Variants in PPP6R3 observed in about 807,000 individuals in gnomAD.
The protein encoded by PPP6R3 is serine/threonine-protein phosphatase 6 regulatory subunit 3.
PPP6R3 carries 38 observed loss-of-function variants against 110.7 expected under a neutral mutation model. That is an observed-to-expected ratio of 0.34 (90% CI 0.26 to 0.45). PPP6R3 has a LOEUF of 0.45. PPP6R3 is among the 20% of genes least tolerant of loss of function. PPP6R3 has a pLI of 1.00. For synonymous variants in PPP6R3, 369 were observed against 373.5 expected (o/e 0.99, Z 0.14); for missense variants, 870 against 1,062.4 (o/e 0.82, Z 2.52).
chr11:68,544,045 T>G (rs182600904), intron 3 of PPP6R3, among the ~76,000 whole-genome samples: 95 of 152,292 alleles, frequency 6.2e-4, no homozygotes, highest in African/African-American at 2.1e-3. Context: ...GGGCTGACTT[T>G]GTGTCTGTGC....
intron 1 of PPP6R3, among the ~76,000 whole-genome samples, chr11:68,496,528 A>C (rs1181830845): frequency 6.6e-6 from 1 of 152,050 alleles, no homozygotes. Flanking sequence ...GCTGGAGTGC[A>C]GTAGTGCAAT....
At chr11:68,507,171 C>T (rs1253192673) in intron 1 of PPP6R3, among the ~76,000 whole-genome samples, 1 of 151,282 alleles carries the variant, frequency 6.6e-6, no homozygotes, top group African/African-American at 2.4e-5. Flanking sequence ...ACTTTACATA[C>T]ATGATTTTGC....
chr11:68,589,223 C>T (rs997143772), intron 16 of PPP6R3, among the ~76,000 whole-genome samples: 3 of 151,922 alleles, frequency 2.0e-5, no homozygotes, highest in Admixed American at 6.6e-5. Context: ...ATAACAATAA[C>T]AATAATAATA....
intron 1 of PPP6R3, among the ~76,000 whole-genome samples, chr11:68,497,484 C>G (rs189713287): frequency 6.6e-6 from 1 of 152,148 alleles, no homozygotes; most frequent in South Asian, 2.1e-4. Flanking sequence ...TCCTGAGTAG[C>G]TGGGACTACA....
intron 11 of PPP6R3, among the ~76,000 whole-genome samples, 184 bp downstream of exon 11, chr11:68,570,081 ATAAC>A (rs780207299): frequency 5.9e-5 from 9 of 152,246 alleles, no homozygotes; most frequent in African/African-American, 9.6e-5. Context: ...TACTGGACAA[ATAAC>A]TATTAAATGA....
At chr11:68,566,277 ACTT>A (rs1029530216) in intron 9 of PPP6R3, among the ~76,000 whole-genome samples, 210 of 150,458 alleles carry the variant, frequency 1.4e-3, no homozygotes, top group African/African-American at 3.9e-3. Flanking sequence ...TACTACTACC[ACTT>A]CTTCTTCTTC....
chr11:68,551,325 A>T, intron 6 of PPP6R3, 139 bp downstream of exon 6: 5 of 652,794 alleles, frequency 7.7e-6, no homozygotes, highest in Non-Finnish European at 1.3e-5. Context: ...GTGTTCTTAA[A>T]GTTGATACTT....
rs115389984 is a variant in PPP6R3 at position 68,461,653 on chromosome 11, C to T, written c.-158+826C>T. Reference sequence around the variant, plus strand: ...TGAACGGGATGGGTCTTTGGATGTACCTCCGTGCCCTGACGTTTCAACCGC... The same window carrying T: ...TGAACGGGATGGGTCTTTGGATGTATCTCCGTGCCCTGACGTTTCAACCGC... On this transcript the variant is annotated intron_variant, in intron 1 of 23. Transcript: ENST00000393800. 3.4e-3 allele frequency among the ~76,000 whole-genome samples: 520 copies of T among 152,104 alleles called. 6 individuals carry two copies. Among genetic ancestry groups the T allele is most frequent in the African/African-American group, 0.012 (497 of 41,490 alleles).
rs745458300 is a variant in PPP6R3 at position 68,558,662 on chromosome 11, T to G, written c.828T>G (p.Leu276=). The stretch of plus-strand genomic sequence containing the variant: ...CAATCCAGATATTGCTGACTTTACT[T>G]GAGACACGACGACCAACGTAAGCTT... ...VSAIQILLTL[L]ETRRPTFEGH... The change falls in exon 8 of 24, where the codon CTT becomes CTG. Residue 276 remains leucine (L), a synonymous_variant. Coordinates refer to ENST00000393800, the MANE Select transcript of PPP6R3 (RefSeq NM_001164161.2). 3.1e-6 allele frequency: 5 copies of G among 1,610,610 alleles called. No individual in the cohort carries two copies. In the South Asian group the frequency reaches 5.5e-5, roughly 18 times the overall value.
At chr11:68,555,762 CA>C (rs1222078001) in intron 7 of PPP6R3, among the ~76,000 whole-genome samples, 14 of 152,202 alleles carry the variant, frequency 9.2e-5, no homozygotes, top group African/African-American at 3.4e-4. Flanking sequence ...GAATTTACAT[CA>C]TTAAATTAGT....
At chr11:68,551,263 T>TA (rs2099373198) in intron 6 of PPP6R3, 77 bp downstream of exon 6, 1 of 1,080,752 alleles carries the variant, frequency 9.3e-7, no homozygotes, top group Admixed American at 1.9e-5. Flanking sequence ...AGAGCATACT[T>TA]ATATTAAATG....
At chr11:68,471,851 C>T (rs2098794167) in intron 1 of PPP6R3, among the ~76,000 whole-genome samples, 1 of 151,704 alleles carries the variant, frequency 6.6e-6, no homozygotes. Flanking sequence ...ATGGGCTCCT[C>T]CCTGGTAGGA....
At chr11:68,467,480 C>A (rs760135975) in intron 1 of PPP6R3, among the ~76,000 whole-genome samples, 1 of 152,244 alleles carries the variant, frequency 6.6e-6, no homozygotes. Flanking sequence ...CTGTGTGGGA[C>A]TGTTAGTTGG....
intron 1 of PPP6R3, among the ~76,000 whole-genome samples, chr11:68,494,233 C>T (rs2099001744): frequency 6.6e-6 from 1 of 150,624 alleles, no homozygotes; most frequent in Admixed American, 6.6e-5. Flanking sequence ...ATGCCTGTAT[C>T]AAAACATCAT....
chr11:68,609,578 A>G (rs1417473888), intron 22 of PPP6R3: 5 of 1,550,772 alleles, frequency 3.2e-6, no homozygotes, highest in Non-Finnish European at 4.4e-6. Context: ...ACTCTTGTAC[A>G]TTTCTTTTTC....
At chr11:68,609,278 C>T (rs578077642) in intron 22 of PPP6R3, among the ~76,000 whole-genome samples, 1 of 152,318 alleles carries the variant, frequency 6.6e-6, no homozygotes, top group East Asian at 1.9e-4. Context: ...CCCTCTTCTC[C>T]CTCTGGCGTT....
At chr11:68,598,112 G>T (rs987323020) in intron 19 of PPP6R3, among the ~76,000 whole-genome samples, 2 of 152,104 alleles carry the variant, frequency 1.3e-5, no homozygotes, top group African/African-American at 4.8e-5. Flanking sequence ...GTCCCTAGCA[G>T]CCTCCATTCT....
At chr11:68,472,828 G>A (rs1325094593) in intron 1 of PPP6R3, among the ~76,000 whole-genome samples, 1 of 152,118 alleles carries the variant, frequency 6.6e-6, no homozygotes, top group Admixed American at 6.5e-5. Flanking sequence ...CTTATTAATA[G>A]AATCATACAA....
rs183068278 is a variant in PPP6R3, at chr11:68,512,539, G to T, written c.-157-6962G>T. ...AGGGACAGTATGTTTTTGGTTGTGC[G>T]TAGGATAGTTGCATCACGTTAGACG... On this transcript the variant is annotated intron_variant, in intron 1 of 23. Transcript: ENST00000393800. Among the ~76,000 whole-genome samples the T allele has an allele frequency of 2.6e-5, 4 of 152,310 alleles. No individual in the cohort carries two copies. The South Asian group carries it at 8.3e-4, about 32-fold the overall frequency.
Sources: gnomAD v4.1 joint callset for allele counts (sites outside exome capture counted in the v4.1 genomes callset) on GRCh38, gnomAD v4.1.1 for gene constraint, MANE v1.5 for transcripts, NCBI Gene and HGNC (gene_info 2026-07-23, HGNC 2026-07-21) for gene names.